The following CSMD1 variants were observed in gnomAD, a reference collection of about 807,000 sequenced individuals.
CSMD1 encodes CUB and sushi domain-containing protein 1.
Under a neutral mutation model 417.5 loss-of-function variants are expected in CSMD1, and 213 were observed. That is an observed-to-expected ratio of 0.51 (90% CI 0.46 to 0.57). The LOEUF is 0.57. Ranked by LOEUF, CSMD1 falls within the 20% of genes least tolerant of loss-of-function variation. CSMD1 has a pLI of 0.00. For synonymous variants in CSMD1, 2,862 were observed against 1,736.8 expected (o/e 1.65, Z -16.11); for missense variants, 6,923 against 4,529.7 (o/e 1.53, Z -15.17).
intron 49 of CSMD1, among the ~76,000 whole-genome samples, chr8:3,058,693 G>A (rs1001696474): frequency 3.3e-5 from 5 of 151,848 alleles, no homozygotes; most frequent in Non-Finnish European, 5.9e-5. Flanking sequence ...TGGGGGAGGG[G>A]GAGATTTGAG....
Position 3,272,269 on chromosome 8 carries a change from T to C in CSMD1, c.4153+11875A>G, listed in dbSNP as rs535862902. On this transcript the variant is annotated intron_variant, in intron 26 of 69. Transcript: ENST00000635120. Reference sequence around the variant, plus strand: ...TATGCGGCGTTATTTCTGAGGGCTCTGTTCTATTCCATTGATCTATATCTC... The same window carrying C: ...TATGCGGCGTTATTTCTGAGGGCTCCGTTCTATTCCATTGATCTATATCTC... Among the ~76,000 whole-genome samples, 5 of 144,558 alleles carry C rather than the reference T, an allele frequency of 3.5e-5. 1 individual carries two copies. The South Asian group carries it at 1.1e-3, about 33-fold the overall frequency. The allele number at this position is 144,558 out of a possible 152,430, so 94.8% of individuals were successfully genotyped here.
chr8:3,575,254 T>C (rs1800102777), intron 9 of CSMD1, among the ~76,000 whole-genome samples, 188 bp from the exon 10 acceptor site: 1 of 152,008 alleles, frequency 6.6e-6, no homozygotes. Context: ...CGGCAGGACT[T>C]TTGCTTGGTA....
rs1804684327 is a variant in CSMD1 at position 4,272,732 on chromosome 8, A to G, written c.415+147221T>C. The stretch of plus-strand genomic sequence containing the variant: ...TTCATTCTGTAATTCTTGACTGTAC[A>G]TTTTTCATTCTGTAATTCTTGAATG... On this transcript the variant is annotated intron_variant, in intron 3 of 69. Transcript: ENST00000635120. Among the ~76,000 whole-genome samples the G allele has an allele frequency of 2.6e-5, 4 of 152,090 alleles. No homozygotes were observed. In the South Asian group the frequency reaches 8.3e-4, roughly 31 times the overall value.
chr8:3,878,139 T>C (rs1427715824), intron 5 of CSMD1, among the ~76,000 whole-genome samples: 1 of 152,182 alleles, frequency 6.6e-6, no homozygotes, highest in Non-Finnish European at 1.5e-5. Context: ...TCCTTTCCTT[T>C]TGTCTTTGTA....
intron 12 of CSMD1, among the ~76,000 whole-genome samples, chr8:3,460,375 T>A (rs73174851): frequency 0.055 from 8,437 of 152,166 alleles, 310 homozygotes; most frequent in Non-Finnish European, 0.081. Context: ...GAGATGAAGA[T>A]GGAATCTGGA....
intron 5 of CSMD1, among the ~76,000 whole-genome samples, chr8:3,917,420 C>G (rs1484033550): frequency 5.4e-5 from 1 of 18,570 alleles, no homozygotes; most frequent in East Asian, 9.1e-4. Flanking sequence ...CCACGAAACA[C>G]ACACACACAC....
chr8:3,660,341 C>G (rs1156249148), intron 7 of CSMD1, among the ~76,000 whole-genome samples: 50 of 152,068 alleles, frequency 3.3e-4, no homozygotes, highest in Admixed American at 3.3e-3. Context: ...ATTGACAGGA[C>G]TGAAAGTATT....
At chr8:3,449,962 T>C (rs10104199) in intron 12 of CSMD1, among the ~76,000 whole-genome samples, 119,755 of 152,242 alleles carry the variant, frequency 0.79, 47,522 homozygotes, top group African/African-American at 0.89. Flanking sequence ...CTTGCCATAA[T>C]CAAGCGTTTT....
rs1810459168 is a variant in CSMD1 at position 4,739,484 on chromosome 8, T to C, written c.86-101926A>G. ...TATCTAATTGAATTTGTTGTAATGA[T>C]AGATGAAGTAACAAAACTTTTCTGT... On this transcript the variant is annotated intron_variant, in intron 1 of 69. Coordinates refer to ENST00000635120, the MANE Select transcript of CSMD1 (RefSeq NM_033225.6). Among the ~76,000 whole-genome samples, 3 of 152,216 alleles carry C rather than the reference T, an allele frequency of 2.0e-5. No homozygotes were observed. The South Asian group carries it at 6.2e-4, about 31-fold the overall frequency.
intron 3 of CSMD1, among the ~76,000 whole-genome samples, chr8:4,036,832 C>T (rs759738131): frequency 1.4e-4 from 21 of 152,178 alleles, no homozygotes; most frequent in Non-Finnish European, 2.6e-4. Flanking sequence ...CTGACCAGGG[C>T]CACCACCTGT....
chr8:4,136,224 G>C (rs969312951), intron 3 of CSMD1, among the ~76,000 whole-genome samples: 6 of 152,122 alleles, frequency 3.9e-5, no homozygotes, highest in Non-Finnish European at 5.9e-5. Flanking sequence ...CACATATATA[G>C]AAATGAACTA....
rs374702697 is a variant in CSMD1, at chr8:3,858,575, A to C, written c.819-104533T>G. Among the ~76,000 whole-genome samples, 8 of 152,214 alleles carry C rather than the reference A, an allele frequency of 5.3e-5. No individual in the cohort carries two copies. In the East Asian group the frequency reaches 1.2e-3, roughly 22 times the overall value. On this transcript the variant is annotated intron_variant, in intron 5 of 69. Coordinates refer to ENST00000635120, the MANE Select transcript of CSMD1 (RefSeq NM_033225.6). ...ACTGCATAAATGGACTACTTTCACGAGTAGTCTTAAATTAATAATTTTCAC... is the reference window on the plus strand; with the variant it reads ...ACTGCATAAATGGACTACTTTCACGCGTAGTCTTAAATTAATAATTTTCAC...
intron 2 of CSMD1, among the ~76,000 whole-genome samples, chr8:4,453,196 C>G (rs894815827): frequency 7.4e-6 from 1 of 134,854 alleles, no homozygotes; most frequent in Non-Finnish European, 1.6e-5. Context: ...CACAGACACA[C>G]CCACACAGAC....
chr8:4,806,609 C>T (rs1054948608), intron 1 of CSMD1, among the ~76,000 whole-genome samples: 1 of 152,198 alleles, frequency 6.6e-6, no homozygotes, highest in East Asian at 1.9e-4. Flanking sequence ...TTAACTTTCT[C>T]TTCTCATCCA....
intron 5 of CSMD1, among the ~76,000 whole-genome samples, chr8:3,893,881 A>T (rs1807165218): frequency 6.6e-6 from 1 of 152,028 alleles, no homozygotes; most frequent in African/African-American, 2.4e-5. Flanking sequence ...CTGGTTGGAG[A>T]TTTAAGATGT....
chr8:4,985,148 G>A (rs1197436269), intron 1 of CSMD1, among the ~76,000 whole-genome samples: 1 of 152,096 alleles, frequency 6.6e-6, no homozygotes, highest in Non-Finnish European at 1.5e-5. Flanking sequence ...CTTATAAGTG[G>A]GAGCAAAATG....
chr8:4,523,990 G>T lies in CSMD1; in HGVS notation c.303-103925C>A, dbSNP rs902778206. 1.2e-4 allele frequency among the ~76,000 whole-genome samples: 18 copies of T among 152,016 alleles called. No homozygotes were observed. In the East Asian group the frequency reaches 2.7e-3, roughly 23 times the overall value. On this transcript the variant is annotated intron_variant, in intron 2 of 69. Coordinates refer to ENST00000635120, the MANE Select transcript of CSMD1 (RefSeq NM_033225.6). ...GCAGTTCCTACGCTCTCCTCAAATG[G>T]GTCCCTATGTTAGGTTTTGGATCTC...
In CSMD1 at chr8:3,408,168, G is replaced by A. The variant is rs1204224235; in HGVS notation, c.1802C>T (p.Pro601Leu). Residue 601 changes from proline (P) to leucine (L), a missense_variant, in exon 14 of 70, where the codon CCA becomes CTA. Transcript: ENST00000635120. ...SSGIILSPNY[P>L]EEYGNNMNCV... ...GTTCATGTTGTTCCCATATTCCTCT[G>A]GATAATTTGGTGACAGAATAATCCC... The A allele has an allele frequency of 2.5e-6, 4 of 1,612,562 alleles. No homozygotes were observed. The highest frequency in any genetic ancestry group is 2.2e-5 in the East Asian group (1 of 44,842).
chr8:4,438,941 C>A (rs1267331881), intron 2 of CSMD1, among the ~76,000 whole-genome samples: 1 of 152,138 alleles, frequency 6.6e-6, no homozygotes, highest in Admixed American at 6.5e-5. Context: ...TGTAGGATTC[C>A]GTAAATGAAT....
Sources: gnomAD v4.1 joint callset for allele counts (sites outside exome capture counted in the v4.1 genomes callset) on GRCh38, gnomAD v4.1.1 for gene constraint, MANE v1.5 for transcripts, NCBI Gene and HGNC (gene_info 2026-07-23, HGNC 2026-07-21) for gene names.